Variants in CFHR3 observed in about 807,000 individuals in gnomAD.
The protein encoded by CFHR3 is complement factor H-related protein 3.
Under a neutral mutation model 36.0 loss-of-function variants are expected in CFHR3, and 22 were observed. That is an observed-to-expected ratio of 0.61 (90% CI 0.44 to 0.87). The LOEUF (loss-of-function observed/expected upper bound fraction) is 0.87. Among genes scored for constraint, CFHR3 ranks in the 40% least tolerant of loss-of-function variants. CFHR3 has a pLI of 0.00. For missense variants in CFHR3, 276 were observed against 401.3 expected, an observed-to-expected ratio of 0.69 and a Z score of 2.67; for synonymous variants, 97 against 137.4, an observed-to-expected ratio of 0.71 and a Z score of 2.06.
rs1216953667 is a variant in CFHR3, at chr1:196,795,378, G to A, written c.*1865G>A. 7.3e-6 allele frequency: 1 copy of A among 137,096 alleles called. No individual in the cohort carries two copies. Among genetic ancestry groups the A allele is most frequent in the Non-Finnish European group, 1.5e-5 (1 of 64,704 alleles). 8.5% of individuals were successfully genotyped at this position (137,096 alleles called of 1,614,324 possible). On this transcript the variant is annotated 3_prime_UTR_variant, in exon 6 of 6. Coordinates refer to ENST00000367425, the MANE Select transcript of CFHR3 (RefSeq NM_021023.6). ...CCTTCCCAGCAATGTGGAACTGTGA[G>A]TCCATTAAACCTCTTTCCTTTATAA...
At position 196,788,683 on chromosome 1, in the gene CFHR3, A is replaced by G. The variant is rs1038955834; in HGVS notation, c.613+285A>G. ...GGAGCTGCATGAGAGTATCAGCAAA[A>G]TATGTTAGTTGCCAATAAAAACTTT... On this transcript the variant is annotated intron_variant, in intron 4 of 5. Coordinates refer to ENST00000367425, the MANE Select transcript of CFHR3 (RefSeq NM_021023.6). 2.2e-5 allele frequency: 32 copies of G among 1,454,280 alleles called. 9 individuals are homozygous for G. In the African/African-American group the frequency reaches 4.2e-4, roughly 19 times the overall value. 90.1% of individuals were successfully genotyped at this position (1,454,280 alleles called of 1,614,324 possible).
intron 3 of CFHR3, among the ~76,000 whole-genome samples, chr1:196,785,741 GGT>G (rs1484051433): frequency 7.3e-6 from 1 of 136,220 alleles, no homozygotes; most frequent in Non-Finnish European, 1.6e-5. Flanking sequence ...CTTTGCCTTT[GGT>G]TTGAATTTCC....
At position 196,790,721 on chromosome 1, in the gene CFHR3, C is replaced by T. The variant is rs1194409043; in HGVS notation, c.796+494C>T. On this transcript the variant is annotated intron_variant, in intron 5 of 5. Coordinates refer to ENST00000367425, the MANE Select transcript of CFHR3 (RefSeq NM_021023.6). Reference sequence around the variant, plus strand: ...CCTGGGCGACAGAGGGAGACCCCATCTCCAAAAATAAAAAAATAATAAATA... The same window carrying T: ...CCTGGGCGACAGAGGGAGACCCCATTTCCAAAAATAAAAAAATAATAAATA... 6.9e-5 allele frequency among the ~76,000 whole-genome samples: 8 copies of T among 116,200 alleles called. 2 individuals are homozygous for T. In the South Asian group the frequency reaches 2.3e-3, roughly 34 times the overall value. 76.2% of individuals were successfully genotyped at this position (116,200 alleles called of 152,430 possible).
Position 196,793,532 on chromosome 1 carries a change from A to C in CFHR3, c.*19A>C. On this transcript the variant is annotated 3_prime_UTR_variant, in exon 6 of 6. Coordinates refer to ENST00000367425, the MANE Select transcript of CFHR3 (RefSeq NM_021023.6). ...CGAATAAGGCAGCATTGTTACCCTAAATGTATGTCCAACTTCCACTTTTCC... is the reference window on the plus strand; with the variant it reads ...CGAATAAGGCAGCATTGTTACCCTACATGTATGTCCAACTTCCACTTTTCC... The C allele has an allele frequency of 6.6e-7, 1 of 1,510,350 alleles. No individual in the cohort carries two copies. The highest frequency in any genetic ancestry group is 9.0e-7 in the Non-Finnish European group (1 of 1,115,838). The allele number at this position is 1,510,350 out of a possible 1,614,324, so 93.6% of individuals were successfully genotyped here. A position where few individuals can be genotyped will look rare whatever the true frequency, so the allele number is the denominator to read the frequency against.
At chr1:196,779,587 A>T (rs1653863074) in intron 2 of CFHR3, among the ~76,000 whole-genome samples, 1 of 136,960 alleles carries the variant, frequency 7.3e-6, no homozygotes, top group Admixed American at 7.1e-5. Context: ...TACATATTTT[A>T]ATTATGAAAA....
intron 5 of CFHR3, among the ~76,000 whole-genome samples, chr1:196,792,951 G>A (rs1453805364): frequency 7.4e-6 from 1 of 135,216 alleles, no homozygotes; most frequent in Non-Finnish European, 1.6e-5. Flanking sequence ...ACGGCTTGTC[G>A]AATGGGGGAA....
At position 196,786,131 on chromosome 1, in the gene CFHR3, G is replaced by A. The variant is rs1461688164; in HGVS notation, c.431-2085G>A. ...GCAGAACAGCGGATTTTCATGAACC[G>A]CGAATGCTGCTGTATGATGGTTCCT... On this transcript the variant is annotated intron_variant, in intron 3 of 5. Coordinates refer to ENST00000367425, the MANE Select transcript of CFHR3 (RefSeq NM_021023.6). Among the ~76,000 whole-genome samples, 4 of 136,410 alleles carry A rather than the reference G, an allele frequency of 2.9e-5. 1 individual carries two copies. The highest frequency in any genetic ancestry group is 6.2e-5 in the Non-Finnish European group (4 of 64,432). 89.5% of individuals were successfully genotyped at this position (136,410 alleles called of 152,430 possible). A position where few individuals can be genotyped will look rare whatever the true frequency, so the allele number is the denominator to read the frequency against.
rs1480592602 is a variant in CFHR3 at position 196,779,410 on chromosome 1, G to C, written c.253+54G>C. ...GTATAAAACTTTAAAAGATTAAAGA[G>C]AGGAGAGCACATAATTGATTACTCT... On this transcript the variant is annotated intron_variant, in intron 2 of 5. Coordinates refer to ENST00000367425, the MANE Select transcript of CFHR3 (RefSeq NM_021023.6). 12 of 1,253,508 alleles carry C rather than the reference G, an allele frequency of 9.6e-6. 1 individual carries two copies. The highest frequency in any genetic ancestry group is 1.4e-5 in the South Asian group (1 of 73,442). 77.6% of individuals were successfully genotyped at this position (1,253,508 alleles called of 1,614,324 possible).
rs182199509 is a variant in CFHR3 at position 196,776,031 on chromosome 1, A to G, written c.58+1087A>G. Reference sequence around the variant, plus strand: ...CAAAATGGAAAAAAAAAGGAATTTCACCAGTTATTTCCTTTTTTAACTGAA... The same window carrying G: ...CAAAATGGAAAAAAAAAGGAATTTCGCCAGTTATTTCCTTTTTTAACTGAA... On this transcript the variant is annotated intron_variant, in intron 1 of 5. Transcript: ENST00000367425. 1.7e-5 allele frequency among the ~76,000 whole-genome samples: 2 copies of G among 115,870 alleles called. 1 individual carries two copies. The highest frequency in any genetic ancestry group is 6.6e-5 in the African/African-American group (2 of 30,150). The allele number at this position is 115,870 out of a possible 152,430, so 76.0% of individuals were successfully genotyped here. A position where few individuals can be genotyped will look rare whatever the true frequency, so the allele number is the denominator to read the frequency against.
At chr1:196,792,491 G>C (rs1193729065) in intron 5 of CFHR3, among the ~76,000 whole-genome samples, 3 of 111,006 alleles carry the variant, frequency 2.7e-5, no homozygotes, top group Non-Finnish European at 5.2e-5. Flanking sequence ...TTTACCTATG[G>C]AACAAACCTG....
intron 3 of CFHR3, among the ~76,000 whole-genome samples, chr1:196,781,115 T>C (rs1653932203): frequency 7.4e-6 from 1 of 134,548 alleles, no homozygotes; most frequent in Admixed American, 7.2e-5. Flanking sequence ...TCCATGTCCC[T>C]ACAAAGAACA....
chr1:196,786,564 T>C (rs1654211378), intron 3 of CFHR3, among the ~76,000 whole-genome samples: 1 of 135,670 alleles, frequency 7.4e-6, no homozygotes. Context: ...CAGACTGCTA[T>C]GCTAGCAATC....
intron 3 of CFHR3, among the ~76,000 whole-genome samples, chr1:196,785,338 T>TA (rs1392886684): frequency 7.4e-6 from 1 of 134,302 alleles, no homozygotes; most frequent in African/African-American, 3.2e-5. Flanking sequence ...TTCCTGAATC[T>TA]GAATGTTGGC....
At position 196,792,195 on chromosome 1, in the gene CFHR3, T is replaced by G. The variant is rs1654450469; in HGVS notation, c.797-1122T>G. 1.7e-5 allele frequency among the ~76,000 whole-genome samples: 2 copies of G among 115,894 alleles called. 1 individual carries two copies. The highest frequency in any genetic ancestry group is 1.7e-4 in the Admixed American group (2 of 12,006). 76.0% of individuals were successfully genotyped at this position (115,894 alleles called of 152,430 possible). On this transcript the variant is annotated intron_variant, in intron 5 of 5. Transcript: ENST00000367425. Reference sequence around the variant, plus strand: ...GAATGTATTGAAGAGCTCTTAAAATTTTTTGGATTTCAAAAGTGATATGTA... The same window carrying G: ...GAATGTATTGAAGAGCTCTTAAAATGTTTTGGATTTCAAAAGTGATATGTA...
chr1:196,788,446 CTCTT>C lies in CFHR3; in HGVS notation c.613+50_613+53del, dbSNP rs201711660. The C allele has an allele frequency of 2.0e-3, 2,972 of 1,513,264 alleles. 790 individuals are homozygous for C. The African/African-American group carries it at 0.042, about 21-fold the overall frequency. 93.7% of individuals were successfully genotyped at this position (1,513,264 alleles called of 1,614,324 possible). On this transcript the variant is annotated intron_variant, in intron 4 of 5. Coordinates refer to ENST00000367425, the MANE Select transcript of CFHR3 (RefSeq NM_021023.6). ...TTCAGTTTCTGTCAACTTCGTTCCT[CTCTT>C]TGAGATGATAGTGTTTTACTTAAAA...
At chr1:196,782,123 C>A (rs1331275997) in intron 3 of CFHR3, among the ~76,000 whole-genome samples, 2 of 136,316 alleles carry the variant, frequency 1.5e-5, no homozygotes, top group African/African-American at 6.2e-5. Context: ...AGATATGCAG[C>A]GTTATTTCTG....
chr1:196,794,407 G>T lies in CFHR3; in HGVS notation c.*894G>T, dbSNP rs1407461962. The stretch of plus-strand genomic sequence containing the variant: ...TAACCAGTGGGGCAGAGGTTGAACT[G>T]AGCCAAGATAGTGCCACTGCACTCC... On this transcript the variant is annotated 3_prime_UTR_variant, in exon 6 of 6. Coordinates refer to ENST00000367425, the MANE Select transcript of CFHR3 (RefSeq NM_021023.6). 4.4e-5 allele frequency among the ~76,000 whole-genome samples: 6 copies of T among 137,230 alleles called. No homozygotes were observed. Among genetic ancestry groups the T allele is most frequent in the African/African-American group, 1.8e-4 (6 of 33,026 alleles). 90.0% of individuals were successfully genotyped at this position (137,230 alleles called of 152,430 possible).
chr1:196,785,787 C>G (rs1654172915), intron 3 of CFHR3, among the ~76,000 whole-genome samples: 1 of 136,778 alleles, frequency 7.3e-6, no homozygotes, highest in African/African-American at 3.1e-5. Flanking sequence ...TTGTCTGAAG[C>G]CTTCTTTTCT....
intron 5 of CFHR3, among the ~76,000 whole-genome samples, chr1:196,791,096 C>G (rs1278883393): frequency 1.5e-5 from 2 of 136,812 alleles, no homozygotes; most frequent in Non-Finnish European, 3.1e-5. Context: ...GATTATTATT[C>G]TTACTTATAT....
Sources: allele counts gnomAD v4.1 joint callset (sites outside exome capture counted in the v4.1 genomes callset), GRCh38; gene constraint gnomAD v4.1.1; transcripts MANE v1.5; gene names NCBI Gene and HGNC (gene_info 2026-07-23, HGNC 2026-07-21).